Variants in ZNF827 observed in about 807,000 individuals in gnomAD.
ZNF827 encodes the protein zinc finger protein 827.
Under a neutral mutation model 102.4 loss-of-function variants are expected in ZNF827, and 13 were observed. The observed-to-expected ratio is 0.13, with a 90% confidence interval of 0.08 to 0.20. ZNF827 has a LOEUF of 0.20. Among genes scored for constraint, ZNF827 ranks in the 10% least tolerant of loss-of-function variants. ZNF827 has a pLI of 1.00. For synonymous variants in ZNF827, 523 were observed against 536.2 expected (o/e 0.98, Z 0.34); for missense variants, 1,103 against 1,344.4 (o/e 0.82, Z 2.81).
At chr4:145,928,634 T>A (rs1341744751) in intron 1 of ZNF827, among the ~76,000 whole-genome samples, 4 of 152,208 alleles carry the variant, frequency 2.6e-5, no homozygotes, top group Non-Finnish European at 5.9e-5. Context: ...AACAGGCAGA[T>A]AACTGCAGTA....
chr4:145,831,744 T>C (rs1027151986), intron 7 of ZNF827: 4 of 152,230 alleles, frequency 2.6e-5, no homozygotes, highest in African/African-American at 9.6e-5. Flanking sequence ...TGGGAATGAA[T>C]GTTTGATATC....
intron 7 of ZNF827, chr4:145,830,323 T>C (rs900057378): frequency 3.9e-5 from 6 of 152,198 alleles, no homozygotes; most frequent in Admixed American, 3.9e-4. Context: ...AAGGTGGGTT[T>C]ATTCAAAGAT....
intron 7 of ZNF827, among the ~76,000 whole-genome samples, chr4:145,827,792 ACT>A (rs1221437102): frequency 6.6e-6 from 1 of 152,120 alleles, no homozygotes; most frequent in East Asian, 1.9e-4. Context: ...GTTATCCTTA[ACT>A]CTCTGCACAA....
intron 4 of ZNF827, among the ~76,000 whole-genome samples, chr4:145,882,290 C>A (rs1010984920): frequency 6.6e-6 from 1 of 152,144 alleles, no homozygotes; most frequent in African/African-American, 2.4e-5. Flanking sequence ...CAGTCTAAAC[C>A]GTGGGTGAAA....
chr4:145,915,041 C>T (rs1395581846), intron 1 of ZNF827, among the ~76,000 whole-genome samples: 1 of 152,256 alleles, frequency 6.6e-6, no homozygotes, highest in East Asian at 1.9e-4. Flanking sequence ...CATGGTTCTG[C>T]AGCCCTTGGG....
At chr4:145,785,328 C>A (rs1418221567) in intron 8 of ZNF827, among the ~76,000 whole-genome samples, 1 of 152,128 alleles carries the variant, frequency 6.6e-6, no homozygotes, top group Non-Finnish European at 1.5e-5. Context: ...ATGCGTAGGT[C>A]CTGGGAAGAT....
chr4:145,862,767 A>G (rs1024831978), intron 5 of ZNF827, among the ~76,000 whole-genome samples: 10 of 152,248 alleles, frequency 6.6e-5, no homozygotes, highest in Non-Finnish European at 1.5e-4. Flanking sequence ...TGAAAATTAA[A>G]TAGCACTATG....
intron 8 of ZNF827, among the ~76,000 whole-genome samples, chr4:145,812,320 T>C (rs1310627555): frequency 6.6e-6 from 1 of 152,094 alleles, no homozygotes; most frequent in Non-Finnish European, 1.5e-5. Context: ...TCAGTTTTCA[T>C]GTTGAGTATT....
intron 8 of ZNF827, among the ~76,000 whole-genome samples, chr4:145,810,324 T>C (rs1204716613): frequency 2.0e-5 from 3 of 152,120 alleles, no homozygotes; most frequent in Admixed American, 6.5e-5. Context: ...GTTTACTTGA[T>C]CTAGAGATTA....
At position 145,870,412 on chromosome 4, in the gene ZNF827, G is replaced by A. The variant is rs747250013; in HGVS notation, c.1814C>T (p.Ser605Phe). ...GGACCGAGGCAAAGTCGTGCTTAGG[G>A]ACTCCCCTTCCTTAGGCTCCTCTTT... The part of the protein sequence containing the change: ...KVKEEPKEGE[S>F]LSTTLPRSSY... Residue 605 changes from serine to phenylalanine, a missense_variant, in exon 5 of 15, where the codon TCC becomes TTC. Physicochemically the swap from Ser to Phe is radical, Grantham distance 155. This residue lies in a region of ZNF827 where 243 missense variants were observed against 251.6 expected (regional missense o/e 0.97). Transcript: ENST00000508784. 2 of 1,614,062 alleles carry A rather than the reference G, an allele frequency of 1.2e-6. No individual in the cohort carries two copies. Among genetic ancestry groups the A allele is most frequent in the African/African-American group, 1.3e-5 (1 of 74,998 alleles).
chr4:145,863,978 G>T (rs1747956842), intron 5 of ZNF827, among the ~76,000 whole-genome samples: 1 of 151,950 alleles, frequency 6.6e-6, no homozygotes, highest in South Asian at 2.1e-4. Context: ...CAGATTGTCT[G>T]AGCTCAGATG....
chr4:145,918,061 A>G (rs1426418907), intron 1 of ZNF827, among the ~76,000 whole-genome samples: 2 of 152,190 alleles, frequency 1.3e-5, no homozygotes, highest in African/African-American at 4.8e-5. Context: ...GGCAGAAAGT[A>G]ATTACGGTTT....
intron 3 of ZNF827, among the ~76,000 whole-genome samples, chr4:145,889,691 C>T (rs1182313645): frequency 1.3e-5 from 2 of 151,954 alleles, no homozygotes; most frequent in Non-Finnish European, 2.9e-5. Context: ...GAAAATCTGT[C>T]CACGGCCGGG....
chr4:145,815,217 TG>T lies in ZNF827; in HGVS notation c.2383+8204del, dbSNP rs535346029. ...ACTGAAAGAGCTCCAGGGACCTTGA[TG>T]TGGGATGTCTGAATGGAACTTCTGG... On this transcript the variant is annotated intron_variant, in intron 8 of 14. Coordinates refer to ENST00000508784, the MANE Select transcript of ZNF827 (RefSeq NM_001306215.2). Among the ~76,000 whole-genome samples, 29 of 152,326 alleles carry T rather than the reference TG, an allele frequency of 1.9e-4. No homozygotes were observed. In the East Asian group the frequency reaches 3.1e-3, roughly 16 times the overall value.
At chr4:145,855,133 A>G (rs1746944511) in intron 5 of ZNF827, among the ~76,000 whole-genome samples, 1 of 152,246 alleles carries the variant, frequency 6.6e-6, no homozygotes. Flanking sequence ...AAAATATGAA[A>G]GGATGGAACA....
intron 2 of ZNF827, among the ~76,000 whole-genome samples, chr4:145,894,946 T>A (rs920230402): frequency 6.6e-6 from 1 of 152,180 alleles, no homozygotes; most frequent in South Asian, 2.1e-4. Flanking sequence ...AAGGACTGAA[T>A]CAGGCCTCTA....
In ZNF827 at chr4:145,870,448, T is replaced by G; in HGVS notation, c.1778A>C (p.Asn593Thr). ...CTTAGGCTCCTCTTTCACTTTAAAA[T>G]TAAGATTCATGGGCTCCTTCTGATT... ...AANQKEPMNL[N>T]FKVKEEPKEG... The change falls in exon 5 of 15, where the codon AAT (asparagine) becomes ACT (threonine). Residue 593 changes from asparagine (N) to threonine (T), a missense_variant. Physicochemically the swap from Asn to Thr is moderately conservative, Grantham distance 65 (BLOSUM62 0). Around this residue, in one of 5 missense-constraint regions of ZNF827, gnomAD observed 243 missense variants for 251.6 expected, o/e 0.97. Coordinates refer to ENST00000508784, the MANE Select transcript of ZNF827 (RefSeq NM_001306215.2). 1 of 1,614,096 alleles carries G rather than the reference T, an allele frequency of 6.2e-7. No individual in the cohort carries two copies.
At chr4:145,779,296 G>A (rs1204831807) in intron 9 of ZNF827, 78 bp downstream of exon 9, 1 of 1,527,994 alleles carries the variant, frequency 6.5e-7, no homozygotes, top group Non-Finnish European at 8.8e-7. Flanking sequence ...GCCTCTCTTA[G>A]AGAAACTCAG....
At chr4:145,928,984 A>C (rs1432362550) in intron 1 of ZNF827, among the ~76,000 whole-genome samples, 2 of 152,234 alleles carry the variant, frequency 1.3e-5, no homozygotes, top group Non-Finnish European at 2.9e-5. Context: ...GCCCAGTGCG[A>C]GTGACTCTTC....
Sources: gnomAD v4.1 joint callset for allele counts (sites outside exome capture counted in the v4.1 genomes callset) on GRCh38, gnomAD v4.1.1 for gene constraint, gnomAD v4.1.1 regional missense constraint, MANE v1.5 for transcripts, NCBI Gene and HGNC (gene_info 2026-07-23, HGNC 2026-07-21) for gene names.